Variants in PKIA observed in about 807,000 individuals in gnomAD.
PKIA encodes the protein PKI-alpha.
Under a neutral mutation model 7.6 loss-of-function variants are expected in PKIA, and 4 were observed. That is an observed-to-expected ratio of 0.52 (90% confidence interval 0.26 to 1.20). PKIA has a LOEUF of 1.20. Among genes scored for constraint, PKIA ranks in the 50% most tolerant of loss-of-function variants. The pLI is 0.13. For synonymous variants in PKIA, 21 were observed against 30.7 expected (o/e 0.68, Z 1.04); for missense variants, 73 against 86.2 (o/e 0.85, Z 0.61).
At chr8:78,574,623 C>T (rs960195604) in intron 2 of PKIA, among the ~76,000 whole-genome samples, 6 of 152,046 alleles carry the variant, frequency 3.9e-5, no homozygotes, top group South Asian at 2.1e-4. Flanking sequence ...TAAAATAGCA[C>T]ACTGAAACTG....
intron 1 of PKIA, among the ~76,000 whole-genome samples, chr8:78,565,087 A>C (rs1271805474): frequency 6.6e-6 from 1 of 151,928 alleles, no homozygotes; most frequent in African/African-American, 2.4e-5. Context: ...TTTTCAAATA[A>C]ATAATTATTT....
At chr8:78,519,803 A>G (rs574910491) in intron 1 of PKIA, among the ~76,000 whole-genome samples, 4 of 152,100 alleles carry the variant, frequency 2.6e-5, no homozygotes, top group Non-Finnish European at 5.9e-5. Context: ...CTTCTTTCCA[A>G]TTTGTACCCC....
chr8:78,519,908 G>A (rs1356148744), intron 1 of PKIA, among the ~76,000 whole-genome samples: 1 of 152,044 alleles, frequency 6.6e-6, no homozygotes, highest in Admixed American at 6.6e-5. Flanking sequence ...CACTTATGAA[G>A]CCTTCCCCAT....
chr8:78,559,692 G>A (rs953485109), intron 1 of PKIA, among the ~76,000 whole-genome samples: 5 of 152,020 alleles, frequency 3.3e-5, no homozygotes, highest in African/African-American at 7.3e-5. Flanking sequence ...CCTCACTTTC[G>A]CCAGTGTTTT....
At chr8:78,588,405 A>C (rs1308637480) in intron 2 of PKIA, among the ~76,000 whole-genome samples, 1 of 152,154 alleles carries the variant, frequency 6.6e-6, no homozygotes, top group Non-Finnish European at 1.5e-5. Flanking sequence ...ACTTCGACCC[A>C]GGAGGCGGAG....
At position 78,602,467 on chromosome 8, in the gene PKIA, G is replaced by A. The variant is rs1808369643; in HGVS notation, c.*646G>A. 6.6e-6 allele frequency: 1 copy of A among 152,218 alleles called. No individual in the cohort carries two copies. Among genetic ancestry groups the A allele is most frequent in the South Asian group, 2.1e-4 (1 of 4,814 alleles). The allele number at this position is 152,218 out of a possible 1,614,324, so 9.4% of individuals were successfully genotyped here. Reference sequence around the variant, plus strand: ...TTCCATACTGTGGTGGTGTACACAGGATAGAACACCCTTTTTTAAAACACA... The same window carrying A: ...TTCCATACTGTGGTGGTGTACACAGAATAGAACACCCTTTTTTAAAACACA... On this transcript the variant is annotated 3_prime_UTR_variant, in exon 4 of 4. Transcript: ENST00000396418.
chr8:78,560,592 A>C (rs1297314896), intron 1 of PKIA, among the ~76,000 whole-genome samples: 1 of 152,204 alleles, frequency 6.6e-6, no homozygotes, highest in African/African-American at 2.4e-5. Flanking sequence ...TTGGGACTCA[A>C]TTCATCAAGG....
chr8:78,581,867 C>T (rs974948149), intron 2 of PKIA, among the ~76,000 whole-genome samples: 2 of 151,958 alleles, frequency 1.3e-5, no homozygotes, highest in Non-Finnish European at 2.9e-5. Context: ...GTCAGATTTT[C>T]TTGTTAATAT....
chr8:78,554,318 C>T (rs531277103), intron 1 of PKIA, among the ~76,000 whole-genome samples: 8 of 152,088 alleles, frequency 5.3e-5, no homozygotes, highest in African/African-American at 1.7e-4. Flanking sequence ...GTAGGGAAGA[C>T]ACTGTTCTCT....
chr8:78,552,761 C>T (rs777807248), intron 1 of PKIA, among the ~76,000 whole-genome samples: 43 of 151,852 alleles, frequency 2.8e-4, no homozygotes, highest in Admixed American at 6.6e-4. Flanking sequence ...ATAGCTAGAC[C>T]TAAGTGTCTT....
intron 1 of PKIA, among the ~76,000 whole-genome samples, chr8:78,559,245 A>T (rs1004783679): frequency 1.1e-4 from 16 of 152,118 alleles, no homozygotes; most frequent in Non-Finnish European, 2.1e-4. Context: ...TTTAAAGTTA[A>T]ATCTCACATA....
At chr8:78,548,503 GC>G (rs1806891036) in intron 1 of PKIA, among the ~76,000 whole-genome samples, 2 of 152,262 alleles carry the variant, frequency 1.3e-5, no homozygotes, top group African/African-American at 4.8e-5. Flanking sequence ...GGAAAACTTA[GC>G]ACCTTGGTTA....
rs1393496027 is a variant in PKIA at position 78,589,188 on chromosome 8, T to TG, written c.-27-9169dup. On this transcript the variant is annotated intron_variant, in intron 2 of 3. Coordinates refer to ENST00000396418, the MANE Select transcript of PKIA (RefSeq NM_006823.4). ...ATAAAGAAAGAGGATTGAAGATGAA[T>TG]GATGACCTTGGTCTCCACAAAGTTA... is the stretch of plus-strand genomic sequence containing the variant. 2.6e-5 allele frequency among the ~76,000 whole-genome samples: 4 copies of TG among 152,206 alleles called. No homozygotes were observed. The East Asian group carries it at 7.7e-4, about 29-fold the overall frequency.
rs553015599 is a variant in PKIA, at chr8:78,570,116, A to T, written c.-156-2695A>T. Reference sequence around the variant, plus strand: ...AGCCAGCCAGTGAGATGGAAAAATTATCTGAAGAAATAATGACAGAGCAGT... The same window carrying T: ...AGCCAGCCAGTGAGATGGAAAAATTTTCTGAAGAAATAATGACAGAGCAGT... On this transcript the variant is annotated intron_variant, in intron 1 of 3. Transcript: ENST00000396418. Among the ~76,000 whole-genome samples, 8 of 152,306 alleles carry T rather than the reference A, an allele frequency of 5.3e-5. No individual in the cohort carries two copies. The South Asian group carries it at 1.7e-3, about 32-fold the overall frequency.
At chr8:78,564,237 G>C (rs1807353872) in intron 1 of PKIA, among the ~76,000 whole-genome samples, 1 of 151,964 alleles carries the variant, frequency 6.6e-6, no homozygotes, top group Non-Finnish European at 1.5e-5. Flanking sequence ...TTACTGGTTA[G>C]TCAGAGCAGT....
At chr8:78,587,215 G>A (rs1448648879) in intron 2 of PKIA, among the ~76,000 whole-genome samples, 1 of 152,142 alleles carries the variant, frequency 6.6e-6, no homozygotes, top group Non-Finnish European at 1.5e-5. Context: ...AGAGGTTATA[G>A]ATTTTAAAAG....
chr8:78,600,661 A>G (rs1329537660), intron 3 of PKIA, among the ~76,000 whole-genome samples: 1 of 152,116 alleles, frequency 6.6e-6, no homozygotes, highest in East Asian at 1.9e-4. Flanking sequence ...GCCTCTCACA[A>G]TAAAATAGTG....
At chr8:78,528,738 G>A (rs1017880056) in intron 1 of PKIA, among the ~76,000 whole-genome samples, 1 of 151,580 alleles carries the variant, frequency 6.6e-6, no homozygotes, top group African/African-American at 2.4e-5. Flanking sequence ...TGGCCAAGGT[G>A]GGGGGATCAC....
intron 1 of PKIA, among the ~76,000 whole-genome samples, chr8:78,526,559 A>G (rs1412472327): frequency 2.6e-5 from 4 of 152,196 alleles, no homozygotes; most frequent in East Asian, 1.9e-4. Context: ...CCAATATGCA[A>G]CTATTGGAGA....
Sources: gnomAD v4.1 joint callset for allele counts (sites outside exome capture counted in the v4.1 genomes callset) on GRCh38, gnomAD v4.1.1 for gene constraint, MANE v1.5 for transcripts, NCBI Gene and HGNC (gene_info 2026-07-23, HGNC 2026-07-21) for gene names.